ITPR2: variants seen among roughly 807,000 people sequenced by gnomAD.
ITPR2 encodes inositol 1,4,5-trisphosphate-gated calcium channel ITPR2.
In ITPR2, 207 loss-of-function variants were observed where a neutral mutation model predicts 317.1. The observed-to-expected ratio is 0.65, with a 90% CI of 0.58 to 0.73. ITPR2 has a LOEUF of 0.73. Ranked by LOEUF, ITPR2 falls within the 30% of genes least tolerant of loss-of-function variation. The pLI is 0.00. For synonymous variants in ITPR2, 1,156 were observed against 1,149.1 expected (o/e 1.01, Z -0.12); for missense variants, 2,613 against 3,284.0 (o/e 0.80, Z 4.99).
At chr12:26,589,120 G>A (rs1415917138) in intron 32 of ITPR2, among the ~76,000 whole-genome samples, 1 of 152,144 alleles carries the variant, frequency 6.6e-6, no homozygotes. Context: ...TAAATGCTCT[G>A]AAAGACAGTG....
At chr12:26,516,034 G>A (rs981589511) in intron 37 of ITPR2, among the ~76,000 whole-genome samples, 3 of 151,240 alleles carry the variant, frequency 2.0e-5, no homozygotes, top group Non-Finnish European at 4.4e-5. Context: ...TGAGGCAGGA[G>A]GACTGCTTGA....
At chr12:26,832,594 G>A (rs1011205224) in intron 1 of ITPR2, 96 bp downstream of exon 1, 49 of 890,012 alleles carry the variant, frequency 5.5e-5, no homozygotes, top group Non-Finnish European at 7.7e-5. Context: ...GGGCCACCAC[G>A]CGCGGCAGCG....
intron 32 of ITPR2, among the ~76,000 whole-genome samples, chr12:26,593,674 T>A (rs1209768218): frequency 6.6e-6 from 1 of 152,254 alleles, no homozygotes; most frequent in Admixed American, 6.5e-5. Flanking sequence ...CCCTAGAGCT[T>A]TAATATAATA....
At chr12:26,637,251 A>C (rs2136850165) in intron 21 of ITPR2, among the ~76,000 whole-genome samples, 1 of 152,322 alleles carries the variant, frequency 6.6e-6, no homozygotes, top group South Asian at 2.1e-4. Flanking sequence ...GATATAAGAA[A>C]GGAAGAAGAA....
At chr12:26,664,598 T>C (rs1285182818) in intron 14 of ITPR2, among the ~76,000 whole-genome samples, 3 of 152,190 alleles carry the variant, frequency 2.0e-5, no homozygotes, top group Non-Finnish European at 2.9e-5. Flanking sequence ...CATTAATACA[T>C]GAAAACAAAA....
At chr12:26,405,918 A>T (rs932964837) in intron 52 of ITPR2, among the ~76,000 whole-genome samples, 13 of 152,204 alleles carry the variant, frequency 8.5e-5, no homozygotes, top group Non-Finnish European at 1.8e-4. Flanking sequence ...AGATTGTGCC[A>T]TTGCACTCCA....
intron 45 of ITPR2, among the ~76,000 whole-genome samples, chr12:26,464,777 C>G (rs1454486932): frequency 6.6e-6 from 1 of 152,180 alleles, no homozygotes. Flanking sequence ...TCTATGATCA[C>G]AGCAGGCGTG....
chr12:26,613,827 G>A (rs1329860739), intron 26 of ITPR2, among the ~76,000 whole-genome samples: 2 of 152,110 alleles, frequency 1.3e-5, no homozygotes, highest in African/African-American at 2.4e-5. Flanking sequence ...ACTCAAGACT[G>A]GGGACCAGAA....
At chr12:26,439,367 C>T in intron 46 of ITPR2, 48 bp from the exon 47 acceptor site, 1 of 1,307,906 alleles carries the variant, frequency 7.6e-7, no homozygotes. Flanking sequence ...ACACCTCAGT[C>T]TTAGACTTGC....
In ITPR2 at chr12:26,595,502, C is replaced by T; in HGVS notation, c.4343G>A (p.Trp1448Ter). 1 of 1,606,460 alleles carries T rather than the reference C, an allele frequency of 6.2e-7. No homozygotes were observed. Among genetic ancestry groups the T allele is most frequent in the Non-Finnish European group, 8.5e-7 (1 of 1,177,650 alleles). Residue 1448 changes from tryptophan to a stop codon, truncating the protein, a stop_gained, in exon 32 of 57, where the codon TGG (tryptophan) becomes TAG (stop). Coordinates refer to ENST00000381340, the MANE Select transcript of ITPR2 (RefSeq NM_002223.4). LOFTEE classifies it high-confidence loss of function. ...CACCAAGAAGTTCTCAAATAATTTC[C>T]AAATGTGGTTACTTGTATAGATTTC... ...MKEIYTSNHI[W>*]KLFENFLVDM...
rs374749144 is a variant in ITPR2 at position 26,792,882 on chromosome 12, T to C, written c.93-2655A>G. Among the ~76,000 whole-genome samples, 6 of 152,300 alleles carry C rather than the reference T, an allele frequency of 3.9e-5. No individual in the cohort carries two copies. The East Asian group carries it at 5.8e-4, about 15-fold the overall frequency. ...TTTACCAGGAGTTCAACATCCTTCA[T>C]ACACCCCAAGTGCCAGCATCCTCTC... On this transcript the variant is annotated intron_variant, in intron 1 of 56. Coordinates refer to ENST00000381340, the MANE Select transcript of ITPR2 (RefSeq NM_002223.4).
chr12:26,628,810 T>C (rs1260851684), intron 22 of ITPR2, among the ~76,000 whole-genome samples: 2 of 152,072 alleles, frequency 1.3e-5, no homozygotes, highest in East Asian at 1.9e-4. Context: ...AAAAAGCCAA[T>C]AGTCGAGTTG....
intron 37 of ITPR2, among the ~76,000 whole-genome samples, chr12:26,518,164 A>G (rs1943575603): frequency 6.6e-6 from 1 of 152,246 alleles, no homozygotes; most frequent in African/African-American, 2.4e-5. Context: ...TGGCACACAC[A>G]TACCATGGAA....
Position 26,790,174 on chromosome 12 carries a change from G to T in ITPR2, c.146C>A (p.Pro49His). Residue 49 changes from proline to histidine, a missense_variant, in exon 2 of 57, where the codon CCT (proline) becomes CAT (histidine). Transcript: ENST00000381340. ...VHPEAGDLAN[P>H]PKKFRDCLFK... ...TTTCTTACCTCTGAACTTCTTGGGAGGGTTGGCAAGGTCCCCGGCCTCTGG... is the reference window on the plus strand; with the variant it reads ...TTTCTTACCTCTGAACTTCTTGGGATGGTTGGCAAGGTCCCCGGCCTCTGG... The T allele has an allele frequency of 6.2e-7, 1 of 1,613,180 alleles. No individual in the cohort carries two copies. Among genetic ancestry groups the T allele is most frequent in the Non-Finnish European group, 8.5e-7 (1 of 1,179,162 alleles).
At chr12:26,430,313 G>C (rs770543892) in intron 48 of ITPR2, among the ~76,000 whole-genome samples, 3 of 152,332 alleles carry the variant, frequency 2.0e-5, no homozygotes, top group Non-Finnish European at 2.9e-5. Context: ...ACCCAGGCTG[G>C]AGTGCAGTGG....
rs1260256820 is a variant in ITPR2, at chr12:26,337,385, A to G, written c.*2012T>C. The G allele has an allele frequency of 6.6e-6, 1 of 152,202 alleles. No homozygotes were observed. Among genetic ancestry groups the G allele is most frequent in the Non-Finnish European group, 1.5e-5 (1 of 68,022 alleles). 9.4% of individuals were successfully genotyped at this position (152,202 alleles called of 1,614,324 possible). On this transcript the variant is annotated 3_prime_UTR_variant, in exon 57 of 57. Transcript: ENST00000381340. ...AGGTTCCTATATTGGAATATGTTCA[A>G]TATTTACTACCTTTCTCTTCTATTC...
chr12:26,710,258 T>C (rs1948623362), intron 9 of ITPR2, among the ~76,000 whole-genome samples: 4 of 152,360 alleles, frequency 2.6e-5, no homozygotes, highest in African/African-American at 9.6e-5. Context: ...TCACTTACCC[T>C]GTGCTTACCA....
intron 32 of ITPR2, among the ~76,000 whole-genome samples, chr12:26,587,280 AATATAT>A (rs10554886): frequency 0.034 from 5,034 of 147,562 alleles, 154 homozygotes; most frequent in Non-Finnish European, 0.053. Context: ...AATACAAATA[AATATAT>A]ATATATATAT....
At chr12:26,679,987 C>T (rs1034320050) in intron 13 of ITPR2, among the ~76,000 whole-genome samples, 1 of 151,882 alleles carries the variant, frequency 6.6e-6, no homozygotes, top group Non-Finnish European at 1.5e-5. Context: ...GAAAAAACTA[C>T]AGTAGGCACA....
Sources: allele counts gnomAD v4.1 joint callset (sites outside exome capture counted in the v4.1 genomes callset), GRCh38; gene constraint gnomAD v4.1.1; transcripts MANE v1.5; gene names NCBI Gene and HGNC (gene_info 2026-07-23, HGNC 2026-07-21).